Variants in GRM3 observed in about 807,000 individuals in gnomAD.
GRM3 encodes metabotropic glutamate receptor 3.
In GRM3, 26 loss-of-function variants were observed where a neutral mutation model predicts 70.5. The ratio of observed to expected loss-of-function variants is 0.37; its 90% confidence interval spans 0.27 to 0.51. GRM3 has a LOEUF of 0.51. Among genes scored for constraint, GRM3 ranks in the 20% least tolerant of loss-of-function variants. The pLI is 0.93. For synonymous variants in GRM3, 443 were observed against 434.9 expected, an observed-to-expected ratio of 1.02 and a Z score of -0.23; for missense variants, 859 against 1,123.8, an observed-to-expected ratio of 0.76 and a Z score of 3.37.
At chr7:86,715,212 G>A (rs1023643610) in intron 1 of GRM3, among the ~76,000 whole-genome samples, 1 of 151,982 alleles carries the variant, frequency 6.6e-6, no homozygotes, top group Non-Finnish European at 1.5e-5. Context: ...AATGACTGTT[G>A]TTAAAATCTC....
At chr7:86,692,672 T>G (rs576589358) in intron 1 of GRM3, among the ~76,000 whole-genome samples, 1 of 152,346 alleles carries the variant, frequency 6.6e-6, no homozygotes, top group Admixed American at 6.5e-5. Flanking sequence ...TAAGGAATTT[T>G]TGCCTGTTTT....
At chr7:86,740,158 G>C (rs952716613) in intron 1 of GRM3, among the ~76,000 whole-genome samples, 1 of 151,962 alleles carries the variant, frequency 6.6e-6, no homozygotes, top group African/African-American at 2.4e-5. Context: ...CAAACCAAAT[G>C]TAAATGAGAA....
chr7:86,746,161 T>G (rs1290505290), intron 1 of GRM3, among the ~76,000 whole-genome samples: 3 of 151,630 alleles, frequency 2.0e-5, no homozygotes, highest in African/African-American at 7.3e-5. Flanking sequence ...TTTTCTAATG[T>G]TTTCCTCATC....
intron 1 of GRM3, among the ~76,000 whole-genome samples, chr7:86,748,561 T>G (rs1796158083): frequency 6.6e-6 from 1 of 152,040 alleles, no homozygotes; most frequent in Admixed American, 6.6e-5. Flanking sequence ...ACTCCGATAT[T>G]TCGTAAGAAA....
intron 2 of GRM3, among the ~76,000 whole-genome samples, chr7:86,774,391 C>A (rs770048632): frequency 6.6e-6 from 1 of 152,052 alleles, no homozygotes; most frequent in Non-Finnish European, 1.5e-5. Context: ...AACAAACGAT[C>A]CTCCAGGAGG....
rs1793419650 is a variant in GRM3, at chr7:86,644,926, G to C, written c.-141+54G>C. 2.9e-6 allele frequency: 3 copies of C among 1,039,372 alleles called. No individual in the cohort carries two copies. The South Asian group carries it at 4.0e-5, about 14-fold the overall frequency. The allele number at this position is 1,039,372 out of a possible 1,614,324, so 64.4% of individuals were successfully genotyped here. ...TCTGGAGGGCGCCCAGCCAGGGCGC[G>C]GAAGCTCGGGTGCCGCGTGGGGCAG... On this transcript the variant is annotated intron_variant, in intron 1 of 5. Transcript: ENST00000361669.
At chr7:86,773,662 G>T (rs1222112662) in intron 2 of GRM3, among the ~76,000 whole-genome samples, 3 of 152,006 alleles carry the variant, frequency 2.0e-5, no homozygotes, top group African/African-American at 4.8e-5. Flanking sequence ...TCCTTCCATT[G>T]CTCCTGCTTC....
At chr7:86,655,820 CTGTGTG>C (rs371609030) in intron 1 of GRM3, among the ~76,000 whole-genome samples, 2 of 144,550 alleles carry the variant, frequency 1.4e-5, no homozygotes, top group African/African-American at 5.3e-5. Flanking sequence ...AAGGCTAACT[CTGTGTG>C]TGTGTGTGTG....
intron 5 of GRM3, among the ~76,000 whole-genome samples, chr7:86,857,110 T>C (rs1798864772): frequency 6.6e-6 from 1 of 151,864 alleles, no homozygotes; most frequent in Admixed American, 6.6e-5. Flanking sequence ...AATGAGAATG[T>C]TAGCATCTGC....
At chr7:86,713,763 G>A (rs568912909) in intron 1 of GRM3, among the ~76,000 whole-genome samples, 1 of 151,886 alleles carries the variant, frequency 6.6e-6, no homozygotes, top group Non-Finnish European at 1.5e-5. Flanking sequence ...GTAGTTCTAT[G>A]TACATAGAAA....
intron 3 of GRM3, among the ~76,000 whole-genome samples, chr7:86,828,036 C>T (rs530534100): frequency 4.7e-5 from 7 of 147,866 alleles, no homozygotes; most frequent in Admixed American, 2.8e-4. Flanking sequence ...GGTGTGAACC[C>T]GGGAGGCAGA....
chr7:86,776,328 T>C (rs900103857), intron 2 of GRM3, among the ~76,000 whole-genome samples: 8 of 152,198 alleles, frequency 5.3e-5, no homozygotes, highest in African/African-American at 1.9e-4. Flanking sequence ...GAGATTCCAA[T>C]GCTGGCCTGA....
chr7:86,785,984 A>G (rs1407659762), intron 2 of GRM3: 1 of 347,634 alleles, frequency 2.9e-6, no homozygotes, highest in African/African-American at 2.1e-5. Context: ...TCTAGAGTCT[A>G]GCACAGAGTA....
chr7:86,707,161 C>T (rs1000446608), intron 1 of GRM3, among the ~76,000 whole-genome samples: 2 of 152,114 alleles, frequency 1.3e-5, no homozygotes, highest in African/African-American at 4.8e-5. Flanking sequence ...TCCAGACCAA[C>T]CCTGATAACA....
At chr7:86,733,682 G>C (rs1360367449) in intron 1 of GRM3, among the ~76,000 whole-genome samples, 2 of 152,126 alleles carry the variant, frequency 1.3e-5, no homozygotes, top group East Asian at 3.9e-4. Context: ...AACAGATCTG[G>C]GGGGAGTTGG....
intron 2 of GRM3, among the ~76,000 whole-genome samples, chr7:86,785,776 A>G (rs938938045): frequency 6.9e-5 from 10 of 145,794 alleles, no homozygotes; most frequent in Admixed American, 2.1e-4. Context: ...GCAGTTCCCA[A>G]ATTAAACTCT....
chr7:86,822,745 TA>T (rs1243657730), intron 3 of GRM3, among the ~76,000 whole-genome samples: 6 of 152,154 alleles, frequency 3.9e-5, no homozygotes, highest in Admixed American at 3.9e-4. Flanking sequence ...ATATCTTTTT[TA>T]AAAGTAAATC....
chr7:86,676,178 C>T (rs1794301793), intron 1 of GRM3, among the ~76,000 whole-genome samples: 2 of 151,732 alleles, frequency 1.3e-5, no homozygotes, highest in Non-Finnish European at 2.9e-5. Flanking sequence ...TAATTCCAAG[C>T]CAAGAAATTC....
chr7:86,767,514 CATATATATATATATATATATAT>C (rs3057233), intron 2 of GRM3, among the ~76,000 whole-genome samples: 1,435 of 100,112 alleles, frequency 0.014, 21 homozygotes, highest in Middle Eastern at 0.024. Context: ...GGTCATACTT[CATATATATATATATATATATAT>C]ATATATATAT....
Sources: gnomAD v4.1 joint callset for allele counts (sites outside exome capture counted in the v4.1 genomes callset) on GRCh38, gnomAD v4.1.1 for gene constraint, MANE v1.5 for transcripts, NCBI Gene and HGNC (gene_info 2026-07-23, HGNC 2026-07-21) for gene names.